SEMA3E: variants seen among roughly 807,000 people sequenced by gnomAD.
The protein encoded by SEMA3E is semaphorin 3E.
Under a neutral mutation model 93.6 loss-of-function variants are expected in SEMA3E, and 49 were observed. The observed-to-expected ratio is 0.52, with a 90% confidence interval of 0.42 to 0.66. The LOEUF (loss-of-function observed/expected upper bound fraction) is 0.66, where lower values mean the gene tolerates loss of function less well. SEMA3E is among the 30% of genes least tolerant of loss of function. The probability of loss-of-function intolerance (pLI) is 0.00; values close to 1 mark genes in which losing one functional copy is unlikely to be tolerated. For missense variants in SEMA3E, 906 were observed against 964.8 expected (o/e 0.94, Z 0.81); for synonymous variants, 363 against 330.7 (o/e 1.10, Z -1.06).
intron 2 of SEMA3E, among the ~76,000 whole-genome samples, chr7:83,479,816 G>A (rs1428315246): frequency 6.6e-6 from 1 of 152,110 alleles, no homozygotes; most frequent in Admixed American, 6.5e-5. Context: ...TCTGGTCTCT[G>A]CTCTCTTCAA....
chr7:83,475,674 C>T (rs940161056), intron 2 of SEMA3E, among the ~76,000 whole-genome samples: 2 of 152,094 alleles, frequency 1.3e-5, no homozygotes, highest in Admixed American at 6.5e-5. Flanking sequence ...AATAGTCTTT[C>T]GTCTCTGACC....
intron 1 of SEMA3E, among the ~76,000 whole-genome samples, chr7:83,641,982 T>C (rs903097699): frequency 6.6e-6 from 1 of 152,196 alleles, no homozygotes; most frequent in Non-Finnish European, 1.5e-5. Flanking sequence ...AACTTGCTCA[T>C]GCCATGCAGT....
At chr7:83,600,445 G>C (rs759498671) in intron 1 of SEMA3E, among the ~76,000 whole-genome samples, 155 of 143,380 alleles carry the variant, frequency 1.1e-3, no homozygotes, top group Non-Finnish European at 1.8e-3. Context: ...TCAACCTCCC[G>C]AGTAGCTGGG....
At chr7:83,551,176 C>A (rs1362100427) in intron 1 of SEMA3E, among the ~76,000 whole-genome samples, 1 of 151,996 alleles carries the variant, frequency 6.6e-6, no homozygotes, top group Non-Finnish European at 1.5e-5. Flanking sequence ...TAAGTATACA[C>A]ACTAAAGAAA....
intron 1 of SEMA3E, among the ~76,000 whole-genome samples, chr7:83,503,344 T>C (rs1166521799): frequency 1.3e-5 from 2 of 152,184 alleles, no homozygotes; most frequent in Admixed American, 6.5e-5. Flanking sequence ...TTTTTTTCTT[T>C]ATTTATTAAT....
At chr7:83,509,662 C>G (rs898559921) in intron 1 of SEMA3E, among the ~76,000 whole-genome samples, 1 of 152,060 alleles carries the variant, frequency 6.6e-6, no homozygotes, top group South Asian at 2.1e-4. Flanking sequence ...GATTCTCTAC[C>G]TGGGTTGCAC....
At chr7:83,439,248 GAAGA>G (rs1434094806) in intron 4 of SEMA3E, among the ~76,000 whole-genome samples, 10 of 151,502 alleles carry the variant, frequency 6.6e-5, no homozygotes, top group Non-Finnish European at 1.5e-5. Flanking sequence ...CCTGTGTGGA[GAAGA>G]AAGAAAGGAA....
At chr7:83,556,556 A>G (rs1193225490) in intron 1 of SEMA3E, among the ~76,000 whole-genome samples, 2 of 152,194 alleles carry the variant, frequency 1.3e-5, no homozygotes, top group Non-Finnish European at 2.9e-5. Flanking sequence ...TAATGACTAT[A>G]TCTTGTTTAA....
intron 1 of SEMA3E, among the ~76,000 whole-genome samples, chr7:83,566,808 A>C (rs1166071964): frequency 6.6e-6 from 1 of 152,208 alleles, no homozygotes; most frequent in Non-Finnish European, 1.5e-5. Context: ...AAGGACTCAA[A>C]TATTACCACT....
At chr7:83,615,272 T>G (rs2115601107) in intron 1 of SEMA3E, among the ~76,000 whole-genome samples, 1 of 152,254 alleles carries the variant, frequency 6.6e-6, no homozygotes, top group Non-Finnish European at 1.5e-5. Context: ...TTCCTCCAAA[T>G]AATTCTAAAA....
chr7:83,591,029 G>T (rs1243094371), intron 1 of SEMA3E, among the ~76,000 whole-genome samples: 1 of 149,666 alleles, frequency 6.7e-6, no homozygotes. Context: ...TTGTTCTTGA[G>T]CAGGAAGTTT....
At chr7:83,525,687 T>G (rs959686113) in intron 1 of SEMA3E, among the ~76,000 whole-genome samples, 1 of 152,050 alleles carries the variant, frequency 6.6e-6, no homozygotes, top group African/African-American at 2.4e-5. Context: ...TTGATCTTGT[T>G]TCATGGATGC....
At chr7:83,389,649 T>G (rs190666384) in intron 14 of SEMA3E, among the ~76,000 whole-genome samples, 1 of 151,264 alleles carries the variant, frequency 6.6e-6, no homozygotes, top group Admixed American at 6.6e-5. Context: ...CACGTATATA[T>G]TACATGTATA....
Position 83,373,347 on chromosome 7 carries a change from ATTTG to A in SEMA3E, c.1876-5313_1876-5310del, listed in dbSNP as rs565347142. Among the ~76,000 whole-genome samples, 567 of 152,214 alleles carry A rather than the reference ATTTG, an allele frequency of 3.7e-3. 4 individuals carry two copies. The highest frequency in any genetic ancestry group is 0.013 in the African/African-American group (527 of 41,558). ...AAGAAATAGAGGAAACAATTTATAT[ATTTG>A]TTTGTTTATTTATCTGGCCTGCCTT... On this transcript the variant is annotated intron_variant, in intron 16 of 16. Transcript: ENST00000643230.
chr7:83,503,206 G>A (rs1334131415), intron 1 of SEMA3E, among the ~76,000 whole-genome samples: 1 of 151,948 alleles, frequency 6.6e-6, no homozygotes, highest in Non-Finnish European at 1.5e-5. Flanking sequence ...AACAGCTACT[G>A]CGTATTTTTA....
Position 83,400,040 on chromosome 7 carries a change from A to G in SEMA3E, c.1354T>C (p.Phe452Leu), listed in dbSNP as rs1788206539. ...EAEDGQYDVLFIGTDNGIVLK... is the reference protein window; with the variant it reads ...EAEDGQYDVLLIGTDNGIVLK... ...CTCGTCTCTTTACCTGTCCCAATAA[A>G]CAAGACGTCATATTGGCCATCCTCA... Residue 452 changes from phenylalanine (F) to leucine (L), a missense_variant, in exon 11 of 17, where the codon TTT becomes CTT. Transcript: ENST00000643230. 1 of 1,611,566 alleles carries G rather than the reference A, an allele frequency of 6.2e-7. No individual in the cohort carries two copies. The highest frequency in any genetic ancestry group is 2.2e-5 in the East Asian group (1 of 44,848).
chr7:83,459,191 A>G (rs1215471804), intron 4 of SEMA3E, among the ~76,000 whole-genome samples: 1 of 152,030 alleles, frequency 6.6e-6, no homozygotes, highest in Non-Finnish European at 1.5e-5. Flanking sequence ...TAAAGACAAA[A>G]TCTTAAAAGA....
At chr7:83,463,893 A>G (rs1374055699) in intron 4 of SEMA3E, among the ~76,000 whole-genome samples, 2 of 152,162 alleles carry the variant, frequency 1.3e-5, no homozygotes, top group Non-Finnish European at 2.9e-5. Context: ...AATTAGCTTT[A>G]CTAAACATGC....
At chr7:83,394,041 T>C (rs1406431543) in intron 13 of SEMA3E, among the ~76,000 whole-genome samples, 14 of 152,146 alleles carry the variant, frequency 9.2e-5, no homozygotes, top group Admixed American at 8.5e-4. Flanking sequence ...TCAAACAAGA[T>C]TAATAAGGTT....
Sources: allele counts gnomAD v4.1 joint callset (sites outside exome capture counted in the v4.1 genomes callset), GRCh38; gene constraint gnomAD v4.1.1; transcripts MANE v1.5; gene names NCBI Gene and HGNC (gene_info 2026-07-23, HGNC 2026-07-21).